The following PLXDC2 variants were observed in gnomAD, a reference collection of about 807,000 sequenced individuals.
The protein encoded by PLXDC2 is plexin domain containing 2, also known as plexin domain-containing protein 2.
A neutral mutation model predicts 68.9 loss-of-function variants in PLXDC2; 40 were observed. The ratio of observed to expected loss-of-function variants is 0.58; its 90% CI spans 0.45 to 0.76. PLXDC2 has a LOEUF of 0.76. PLXDC2 is among the 30% of genes least tolerant of loss of function. The probability of loss-of-function intolerance (pLI) is 0.00; values close to 1 mark genes in which losing one functional copy is unlikely to be tolerated. For missense variants in PLXDC2, 644 were observed against 661.9 expected (o/e 0.97, Z 0.30); for synonymous variants, 243 against 234.2 (o/e 1.04, Z -0.34).
chr10:20,126,331 A>G lies in PLXDC2; in HGVS notation c.542-16964A>G, dbSNP rs796296621. Among the ~76,000 whole-genome samples the G allele has an allele frequency of 1.3e-4, 10 of 79,442 alleles. 1 individual carries two copies. The highest frequency in any genetic ancestry group is 1.9e-4 in the Non-Finnish European group (6 of 30,858). The allele number at this position is 79,442 out of a possible 152,430, so 52.1% of individuals were successfully genotyped here. On this transcript the variant is annotated intron_variant, in intron 4 of 13. Transcript: ENST00000377252. ...CATACGTTATATAATATATACATATACGTTATATAATACATATATACATAT... is the reference window on the plus strand; with the variant it reads ...CATACGTTATATAATATATACATATGCGTTATATAATACATATATACATAT...
At chr10:19,817,745 G>C (rs942212658) in intron 1 of PLXDC2, among the ~76,000 whole-genome samples, 1 of 152,218 alleles carries the variant, frequency 6.6e-6, no homozygotes, top group South Asian at 2.1e-4. Flanking sequence ...GGGTAAATGC[G>C]GCCGGCGCAG....
chr10:20,109,570 C>G (rs1362765660), intron 4 of PLXDC2, among the ~76,000 whole-genome samples: 6 of 152,232 alleles, frequency 3.9e-5, no homozygotes, highest in African/African-American at 1.4e-4. Context: ...AGCTTAGCTC[C>G]ATAAATATCA....
intron 2 of PLXDC2, among the ~76,000 whole-genome samples, chr10:20,015,308 T>C (rs895204862): frequency 7.2e-5 from 11 of 152,176 alleles, no homozygotes; most frequent in Non-Finnish European, 1.0e-4. Flanking sequence ...TGTTTTTTTT[T>C]CCAAAGTCTC....
intron 2 of PLXDC2, among the ~76,000 whole-genome samples, chr10:20,043,609 A>G (rs1835723236): frequency 6.6e-6 from 1 of 152,080 alleles, no homozygotes; most frequent in South Asian, 2.1e-4. Context: ...AATATTCCCT[A>G]TTTATAGGGA....
chr10:19,896,660 G>C (rs1281002015), intron 1 of PLXDC2, among the ~76,000 whole-genome samples: 1 of 152,094 alleles, frequency 6.6e-6, no homozygotes, highest in Non-Finnish European at 1.5e-5. Context: ...CTGCACAATG[G>C]TGGGCTTTTG....
At position 20,200,685 on chromosome 10, in the gene PLXDC2, C is replaced by G. The variant is rs554367949; in HGVS notation, c.1062-10984C>G. On this transcript the variant is annotated intron_variant, in intron 9 of 13. Transcript: ENST00000377252. ...ACTCAAACATCCGAACAGCAAATAA[C>G]CAACAACCTAATTAAAAACTAGGTA... 1.3e-3 allele frequency among the ~76,000 whole-genome samples: 198 copies of G among 152,076 alleles called. 1 individual carries two copies. Among genetic ancestry groups the G allele is most frequent in the African/African-American group, 3.8e-3 (157 of 41,532 alleles).
chr10:20,217,452 A>G lies in PLXDC2; in HGVS notation c.1149A>G (p.Thr383=), dbSNP rs1032392494. 2.5e-6 allele frequency: 4 copies of G among 1,612,614 alleles called. No homozygotes were observed. Among genetic ancestry groups the G allele is most frequent in the Middle Eastern group, 3.3e-4 (2 of 6,070 alleles). The change falls in exon 11 of 14, where the codon ACA becomes ACG. Residue 383 remains threonine, a synonymous_variant. Transcript: ENST00000377252. ...CAAAAGAGAAGATGTGTGAGAATACAGAACCAGTGGAAACTTCTTCTCGAA... is the reference window on the plus strand; with the variant it reads ...CAAAAGAGAAGATGTGTGAGAATACGGAACCAGTGGAAACTTCTTCTCGAA... The part of the protein sequence containing the change: ...EESKEKMCEN[T]EPVETSSRTT...
At chr10:19,872,715 G>A (rs1446972428) in intron 1 of PLXDC2, among the ~76,000 whole-genome samples, 3 of 152,060 alleles carry the variant, frequency 2.0e-5, no homozygotes, top group African/African-American at 7.2e-5. Context: ...GACAGGGTGG[G>A]GGTGATTGGG....
chr10:19,867,128 C>A (rs530899060), intron 1 of PLXDC2, among the ~76,000 whole-genome samples: 2 of 140,388 alleles, frequency 1.4e-5, no homozygotes, highest in Non-Finnish European at 3.0e-5. Context: ...TGCAATGTTG[C>A]GATCTTGGCT....
chr10:20,237,576 T>C (rs1288732418), intron 12 of PLXDC2, among the ~76,000 whole-genome samples: 1 of 152,206 alleles, frequency 6.6e-6, no homozygotes, highest in East Asian at 1.9e-4. Flanking sequence ...CTTTTTTCAT[T>C]TGATTTTCTT....
intron 12 of PLXDC2, among the ~76,000 whole-genome samples, chr10:20,244,858 G>C (rs994587586): frequency 2.0e-5 from 3 of 152,236 alleles, no homozygotes; most frequent in Non-Finnish European, 2.9e-5. Context: ...GCTCACGCCT[G>C]TAATCCCAGC....
Position 19,979,238 on chromosome 10 carries a change from T to A in PLXDC2, c.113-22537T>A, listed in dbSNP as rs57294562. 7.9e-3 allele frequency among the ~76,000 whole-genome samples: 1,204 copies of A among 152,308 alleles called. 19 individuals carry two copies. Among genetic ancestry groups the A allele is most frequent in the African/African-American group, 0.028 (1,148 of 41,566 alleles). On this transcript the variant is annotated intron_variant, in intron 1 of 13. Transcript: ENST00000377252. ...AGATTAAAGCCAATTTTGTGATACC[T>A]CTGCGTGATACTAACTTTGTGCCTC...
chr10:20,149,214 CTTTTTTTTTCTTTTCTTTTTTTT>C (rs1834119154), intron 6 of PLXDC2, among the ~76,000 whole-genome samples: 1 of 112,396 alleles, frequency 8.9e-6, no homozygotes, highest in Non-Finnish European at 1.7e-5. Context: ...ATTTTTCTTT[CTTTTTTTTTCTTTTCTTTTTTTT>C]TTTTTTTTTT....
At chr10:19,868,238 G>T (rs891913272) in intron 1 of PLXDC2, among the ~76,000 whole-genome samples, 1 of 152,076 alleles carries the variant, frequency 6.6e-6, no homozygotes, top group East Asian at 1.9e-4. Flanking sequence ...CATAATACCC[G>T]ATAGGTAGTT....
intron 4 of PLXDC2, among the ~76,000 whole-genome samples, chr10:20,119,552 C>G (rs965954484): frequency 6.9e-6 from 1 of 145,714 alleles, no homozygotes; most frequent in African/African-American, 2.4e-5. Flanking sequence ...TGGATGTGTA[C>G]GTGCAGGTCA....
chr10:19,954,097 G>T (rs1424942548), intron 1 of PLXDC2, among the ~76,000 whole-genome samples: 1 of 151,958 alleles, frequency 6.6e-6, no homozygotes, highest in East Asian at 1.9e-4. Context: ...ACTGGAATAG[G>T]CAGAGATTAT....
chr10:20,018,901 G>A (rs1176027484), intron 2 of PLXDC2, among the ~76,000 whole-genome samples: 1 of 152,062 alleles, frequency 6.6e-6, no homozygotes, highest in Non-Finnish European at 1.5e-5. Flanking sequence ...TGTGGATCGA[G>A]TATATATAAA....
rs561069187 is a variant in PLXDC2 at position 19,920,232 on chromosome 10, AG to A, written c.113-81538del. ...AATGATACATAACGGGTGGTGGGGT[AG>A]GGGGAAAGGAACTGCTGAGCAGAGG... On this transcript the variant is annotated intron_variant, in intron 1 of 13. Transcript: ENST00000377252. Among the ~76,000 whole-genome samples the A allele has an allele frequency of 1.1e-4, 17 of 152,238 alleles. No homozygotes were observed. The East Asian group carries it at 3.1e-3, about 28-fold the overall frequency.
intron 1 of PLXDC2, among the ~76,000 whole-genome samples, chr10:19,960,471 G>GTCCA: frequency 6.6e-6 from 1 of 152,298 alleles, no homozygotes; most frequent in South Asian, 2.1e-4. Flanking sequence ...CTTTTGGGCA[G>GTCCA]TCCAACCTGT....
Sources: gnomAD v4.1 joint callset for allele counts (sites outside exome capture counted in the v4.1 genomes callset) on GRCh38, gnomAD v4.1.1 for gene constraint, MANE v1.5 for transcripts, NCBI Gene and HGNC (gene_info 2026-07-23, HGNC 2026-07-21) for gene names.